Variants in NEK10 observed in about 807,000 individuals in gnomAD.
NEK10 encodes NIMA related kinase 10.
A neutral mutation model predicts 159.8 loss-of-function variants in NEK10; 122 were observed. The ratio of observed to expected loss-of-function variants is 0.76; its 90% CI spans 0.66 to 0.89. NEK10 has a LOEUF of 0.89. Among genes scored for constraint, NEK10 ranks in the 40% least tolerant of loss-of-function variants. The pLI, the probability that NEK10 is intolerant of heterozygous loss-of-function variation, is 0.00. For synonymous variants in NEK10, 466 were observed against 457.1 expected, an observed-to-expected ratio of 1.02 and a Z score of -0.25; for missense variants, 1,342 against 1,323.1, an observed-to-expected ratio of 1.01 and a Z score of -0.22.
chr3:27,120,854 C>T (rs1270126915), intron 32 of NEK10, among the ~76,000 whole-genome samples: 1 of 152,074 alleles, frequency 6.6e-6, no homozygotes, highest in African/African-American at 2.4e-5. Flanking sequence ...ATCACTTGGG[C>T]TGGCCAAATT....
rs915498452 is a variant in NEK10, at chr3:27,287,584, C to CA, written c.1789+113dup. ...TTAAGACCATCTACTGTCATATTAA[C>CA]AAAAAAAGGTCAATAAAATAGTTGA... On this transcript the variant is annotated intron_variant, in intron 20 of 35. Coordinates refer to ENST00000691995, the MANE Select transcript of NEK10 (RefSeq NM_001394966.1). The CA allele has an allele frequency of 6.1e-6, 7 of 1,147,686 alleles. No individual in the cohort carries two copies. The South Asian group carries it at 6.4e-5, about 11-fold the overall frequency. 71.1% of individuals were successfully genotyped at this position (1,147,686 alleles called of 1,614,324 possible).
chr3:27,186,689 G>GTA (rs1948652852), intron 26 of NEK10, among the ~76,000 whole-genome samples: 1 of 152,158 alleles, frequency 6.6e-6, no homozygotes, highest in African/African-American at 2.4e-5. Context: ...GCTAACTGTG[G>GTA]TATACTTTGT....
chr3:27,122,566 C>A (rs1208026051), intron 32 of NEK10, among the ~76,000 whole-genome samples: 4 of 152,140 alleles, frequency 2.6e-5, no homozygotes, highest in Non-Finnish European at 5.9e-5. Flanking sequence ...TAGGTGGCTA[C>A]AAATAAGCTT....
intron 30 of NEK10, among the ~76,000 whole-genome samples, chr3:27,146,210 C>T (rs1944282970): frequency 6.6e-6 from 1 of 152,054 alleles, no homozygotes; most frequent in Admixed American, 6.6e-5. Context: ...AGTTAGTTGC[C>T]CATCCCTGGT....
At chr3:27,245,345 C>A (rs1954952163) in intron 23 of NEK10, among the ~76,000 whole-genome samples, 1 of 152,150 alleles carries the variant, frequency 6.6e-6, no homozygotes, top group Non-Finnish European at 1.5e-5. Flanking sequence ...AAATGTATTT[C>A]ACACATTTGG....
intron 6 of NEK10, among the ~76,000 whole-genome samples, chr3:27,319,490 G>A (rs1342693189): frequency 6.6e-6 from 1 of 152,148 alleles, no homozygotes; most frequent in Non-Finnish European, 1.5e-5. Context: ...TATTTAAATG[G>A]CTTCCAGAGA....
At chr3:27,138,598 C>T (rs1302718829) in intron 31 of NEK10, among the ~76,000 whole-genome samples, 1 of 152,140 alleles carries the variant, frequency 6.6e-6, no homozygotes, top group Non-Finnish European at 1.5e-5. Flanking sequence ...TAAACCTTCC[C>T]TGTTGAAACT....
chr3:27,291,561 T>A lies in NEK10; in HGVS notation c.1399A>T (p.Ile467Phe), dbSNP rs1559443278. The change falls in exon 17 of 36, where the codon ATC becomes TTC. Residue 467 changes from isoleucine (I) to phenylalanine (F), a missense_variant. Physicochemically the swap from Ile to Phe is conservative, Grantham distance 21. Coordinates refer to ENST00000691995, the MANE Select transcript of NEK10 (RefSeq NM_001394966.1). ...ACATAATGCCCTATGTCAATGAAGA[T>A]CTCAAACAAGTCTGTGGGGAAAAGT... is the stretch of plus-strand genomic sequence containing the variant. ...KRLFPTDLFE[I>F]FIDIGHYVRD... is the part of the protein sequence containing the mutation. 2 of 1,605,662 alleles carry A rather than the reference T, an allele frequency of 1.2e-6. No homozygotes were observed. The highest frequency in any genetic ancestry group is 1.7e-6 in the Non-Finnish European group (2 of 1,172,330).
chr3:27,310,249 A>G (rs2044584859), intron 9 of NEK10: 2 of 152,138 alleles, frequency 1.3e-5, no homozygotes, highest in African/African-American at 4.8e-5. Flanking sequence ...TGCCATATTC[A>G]ACTAACATCT....
chr3:27,290,725 T>C lies in NEK10; in HGVS notation c.1635A>G (p.Leu545=). The C allele has an allele frequency of 6.2e-7, 1 of 1,608,878 alleles. No homozygotes were observed. The highest frequency in any genetic ancestry group is 1.3e-5 in the African/African-American group (1 of 74,766). Residue 545 remains leucine (L), a synonymous_variant, in exon 19 of 36, where the codon TTA becomes TTG. Coordinates refer to ENST00000691995, the MANE Select transcript of NEK10 (RefSeq NM_001394966.1). Reference sequence around the variant, plus strand: ...TATGTAAATTGACCTCTTTCATTGCTAAAAGATTTTGACCACTATGCTTTC... The same window carrying C: ...TATGTAAATTGACCTCTTTCATTGCCAAAAGATTTTGACCACTATGCTTTC... ...KVRKHSGQNL[L]AMKEVNLHNP...
chr3:27,251,848 T>G (rs966417128), intron 23 of NEK10, among the ~76,000 whole-genome samples: 22 of 152,108 alleles, frequency 1.4e-4, no homozygotes, highest in Non-Finnish European at 3.1e-4. Flanking sequence ...ACTGTTGTAG[T>G]AACTATGTAA....
At chr3:27,323,779 A>G (rs1343118278) in intron 5 of NEK10, among the ~76,000 whole-genome samples, 1 of 152,240 alleles carries the variant, frequency 6.6e-6, no homozygotes, top group Admixed American at 6.5e-5. Context: ...TTTCTTTAGC[A>G]AAGAATGATT....
Position 27,161,583 on chromosome 3 carries a change from A to C in NEK10, c.2869+1118T>G, listed in dbSNP as rs60609778. Reference sequence around the variant, plus strand: ...ATGCTCACACATATGATAAAAGCATAATCATCAAACTTTTTTCTGAATTGT... The same window carrying C: ...ATGCTCACACATATGATAAAAGCATCATCATCAAACTTTTTTCTGAATTGT... On this transcript the variant is annotated intron_variant, in intron 30 of 35. Coordinates refer to ENST00000691995, the MANE Select transcript of NEK10 (RefSeq NM_001394966.1). 9.8e-5 allele frequency among the ~76,000 whole-genome samples: 15 copies of C among 152,372 alleles called. No individual in the cohort carries two copies. In the East Asian group the frequency reaches 2.7e-3, roughly 27 times the overall value.
In NEK10 at chr3:27,109,410, G is replaced by C. The variant is rs1018723235; in HGVS notation, c.*1862C>G. Among the ~76,000 whole-genome samples the C allele has an allele frequency of 1.3e-4, 20 of 150,402 alleles. No individual in the cohort carries two copies. The highest frequency in any genetic ancestry group is 2.8e-4 in the Non-Finnish European group (19 of 67,706). Reference sequence around the variant, plus strand: ...AAAAAAAAAAAAAAAGAGTTAGATGGAAACATTTTGCTCACTTTCTGGTCA... The same window carrying C: ...AAAAAAAAAAAAAAAGAGTTAGATGCAAACATTTTGCTCACTTTCTGGTCA... On this transcript the variant is annotated 3_prime_UTR_variant, in exon 36 of 36. Transcript: ENST00000691995.
intron 6 of NEK10, among the ~76,000 whole-genome samples, chr3:27,317,804 A>T (rs1317902534): frequency 1.3e-5 from 2 of 151,514 alleles, no homozygotes; most frequent in African/African-American, 2.4e-5. Flanking sequence ...TTTATTTATT[A>T]TTTATTTATT....
chr3:27,122,640 A>G (rs1018471556), intron 32 of NEK10, among the ~76,000 whole-genome samples: 1 of 152,168 alleles, frequency 6.6e-6, no homozygotes, highest in Non-Finnish European at 1.5e-5. Context: ...TTCAGATGGA[A>G]TTTTTCATAT....
chr3:27,367,603 A>T (rs2049189303), intron 1 of NEK10: 1 of 152,194 alleles, frequency 6.6e-6, no homozygotes, highest in African/African-American at 2.4e-5. Flanking sequence ...GTAACTTCTC[A>T]TTTTAGAGAT....
At chr3:27,274,650 TAC>T (rs529263729) in intron 22 of NEK10, among the ~76,000 whole-genome samples, 5 of 151,472 alleles carry the variant, frequency 3.3e-5, no homozygotes, top group Admixed American at 2.0e-4. Flanking sequence ...CATGCAGGCA[TAC>T]ACACACACAC....
intron 35 of NEK10, among the ~76,000 whole-genome samples, chr3:27,111,562 C>A (rs949347576): frequency 2.6e-5 from 4 of 152,056 alleles, no homozygotes; most frequent in African/African-American, 9.7e-5. Context: ...AGTAGAAAAA[C>A]AAATATTCAT....
Sources: gnomAD v4.1 joint callset for allele counts (sites outside exome capture counted in the v4.1 genomes callset) on GRCh38, gnomAD v4.1.1 for gene constraint, MANE v1.5 for transcripts, NCBI Gene and HGNC (gene_info 2026-07-23, HGNC 2026-07-21) for gene names.